MDGA2: variants seen among roughly 807,000 people sequenced by gnomAD.
The protein encoded by MDGA2 is MAM domain containing glycosylphosphatidylinositol anchor 2, also known as MAM domain-containing glycosylphosphatidylinositol anchor protein 2.
MDGA2 carries 40 observed loss-of-function variants against 117.8 expected under a neutral mutation model. The ratio of observed to expected loss-of-function variants is 0.34; its 90% CI spans 0.26 to 0.44. The LOEUF is 0.44. MDGA2 is among the 20% of genes least tolerant of loss of function. The probability of loss-of-function intolerance (pLI) is 1.00; values close to 1 mark genes in which losing one functional copy is unlikely to be tolerated. For missense variants in MDGA2, 1,123 were observed against 1,250.6 expected (o/e 0.90, Z 1.54); for synonymous variants, 452 against 439.0 (o/e 1.03, Z -0.37).
intron 9 of MDGA2, among the ~76,000 whole-genome samples, chr14:46,933,248 C>G (rs961350457): frequency 6.6e-6 from 1 of 151,874 alleles, no homozygotes; most frequent in Admixed American, 6.6e-5. Context: ...CATAGAAAAT[C>G]AAGAGACTTT....
intron 1 of MDGA2, among the ~76,000 whole-genome samples, chr14:47,541,841 C>T (rs1418531832): frequency 6.6e-6 from 1 of 152,178 alleles, no homozygotes; most frequent in Non-Finnish European, 1.5e-5. Context: ...AGGGCTCTGG[C>T]TGCTCCTCCC....
At chr14:47,632,464 T>G (rs1897259120) in intron 1 of MDGA2, among the ~76,000 whole-genome samples, 1 of 152,232 alleles carries the variant, frequency 6.6e-6, no homozygotes, top group South Asian at 2.1e-4. Context: ...TCATTCCCTC[T>G]ACTCCAATAC....
At chr14:47,447,456 ATTT>A (rs1893147749) in intron 1 of MDGA2, among the ~76,000 whole-genome samples, 1 of 152,110 alleles carries the variant, frequency 6.6e-6, no homozygotes, top group Non-Finnish European at 1.5e-5. Context: ...GTATGGTAGT[ATTT>A]CCATACTAAT....
At chr14:47,673,632 ATGTGTGTGTGTGTGTGTGTG>A (rs10528657) in intron 1 of MDGA2, among the ~76,000 whole-genome samples, 1 of 144,074 alleles carries the variant, frequency 6.9e-6, no homozygotes, top group East Asian at 2.1e-4. Flanking sequence ...TATGACCTGG[ATGTGTGTGTGTGTGTGTGTG>A]TGTGTGTGTG....
At chr14:46,932,820 T>G (rs576577092) in intron 9 of MDGA2, among the ~76,000 whole-genome samples, 5 of 152,060 alleles carry the variant, frequency 3.3e-5, no homozygotes, top group Non-Finnish European at 5.9e-5. Flanking sequence ...TTTTTTTTTT[T>G]GAAATTAAAC....
At chr14:47,595,564 A>C (rs12586142) in intron 1 of MDGA2, among the ~76,000 whole-genome samples, 39,140 of 146,588 alleles carry the variant, frequency 0.27, 6,999 homozygotes, top group East Asian at 0.63. Flanking sequence ...AAACAAAAAA[A>C]AAAAAAACCC....
intron 8 of MDGA2, among the ~76,000 whole-genome samples, chr14:47,021,358 A>G (rs1888279515): frequency 6.6e-6 from 1 of 152,198 alleles, no homozygotes. Flanking sequence ...TTCACAAGAC[A>G]TCATCCTTTA....
intron 1 of MDGA2, among the ~76,000 whole-genome samples, chr14:47,490,515 C>G (rs146998006): frequency 1.3e-5 from 2 of 151,970 alleles, no homozygotes; most frequent in Non-Finnish European, 2.9e-5. Flanking sequence ...GAAATCAAAT[C>G]AGGTGGTGTA....
At chr14:47,062,461 CTCTT>C (rs1889920783) in intron 6 of MDGA2, among the ~76,000 whole-genome samples, 1 of 151,400 alleles carries the variant, frequency 6.6e-6, no homozygotes, top group South Asian at 2.1e-4. Flanking sequence ...AAAGCTTTCT[CTCTT>C]TTGTGACAGT....
At chr14:47,129,377 T>C (rs553809368) in intron 5 of MDGA2, among the ~76,000 whole-genome samples, 13 of 152,248 alleles carry the variant, frequency 8.5e-5, no homozygotes, top group African/African-American at 2.9e-4. Flanking sequence ...TTACTGAGAA[T>C]GAAGATTTCC....
At chr14:47,387,498 T>G (rs1891788773) in intron 1 of MDGA2, among the ~76,000 whole-genome samples, 1 of 152,100 alleles carries the variant, frequency 6.6e-6, no homozygotes, top group Non-Finnish European at 1.5e-5. Context: ...ACACAACCCC[T>G]CCTCTATTAC....
intron 4 of MDGA2, among the ~76,000 whole-genome samples, chr14:47,135,963 T>A (rs1357728608): frequency 1.3e-5 from 2 of 152,202 alleles, no homozygotes; most frequent in East Asian, 3.9e-4. Context: ...GAAAAGGTCA[T>A]ATTAGAGGGG....
chr14:47,313,195 C>T (rs148049271), intron 1 of MDGA2, among the ~76,000 whole-genome samples: 4 of 152,060 alleles, frequency 2.6e-5, no homozygotes, highest in Admixed American at 1.3e-4. Flanking sequence ...GATGTCAAAC[C>T]AAATAAGCTA....
intron 8 of MDGA2, among the ~76,000 whole-genome samples, chr14:47,013,772 G>GTATATATATA (rs71448157): frequency 0.064 from 5,994 of 93,450 alleles, 702 homozygotes; most frequent in Admixed American, 0.15. Flanking sequence ...TAATTTCCTT[G>GTATATATATA]TATATATATA....
intron 5 of MDGA2, among the ~76,000 whole-genome samples, chr14:47,102,740 T>G (rs1460388685): frequency 6.6e-6 from 1 of 152,164 alleles, no homozygotes; most frequent in Non-Finnish European, 1.5e-5. Flanking sequence ...CTCCTGTCCC[T>G]CATTAATTGG....
intron 1 of MDGA2, among the ~76,000 whole-genome samples, chr14:47,596,200 T>C (rs1207548086): frequency 1.3e-5 from 2 of 152,198 alleles, no homozygotes; most frequent in African/African-American, 4.8e-5. Flanking sequence ...TGCATGCTAA[T>C]TATATCTAAA....
chr14:47,189,788 G>A (rs1330280726), intron 3 of MDGA2, among the ~76,000 whole-genome samples: 1 of 152,046 alleles, frequency 6.6e-6, no homozygotes. Flanking sequence ...GAATTAAAGA[G>A]GTATTTAATC....
intron 4 of MDGA2, 125 bp from the exon 5 acceptor site, chr14:47,131,971 T>C: frequency 4.2e-6 from 3 of 714,042 alleles, no homozygotes; most frequent in Non-Finnish European, 6.0e-6. Flanking sequence ...GACTGTCTTT[T>C]TTTAAGGGAA....
At chr14:47,289,304 T>TACACACACAC (rs3039467) in intron 2 of MDGA2, among the ~76,000 whole-genome samples, 14,291 of 140,434 alleles carry the variant, frequency 0.1, 994 homozygotes, top group Admixed American at 0.22. Context: ...TTTCTGGACT[T>TACACACACAC]ACACACACAC....
Sources: gnomAD v4.1 joint callset for allele counts (sites outside exome capture counted in the v4.1 genomes callset) on GRCh38, gnomAD v4.1.1 for gene constraint, MANE v1.5 for transcripts, NCBI Gene and HGNC (gene_info 2026-07-23, HGNC 2026-07-21) for gene names.